The following ITIH2 variants were observed in gnomAD, a reference collection of about 807,000 sequenced individuals.
ITIH2 encodes the protein inter-alpha-trypsin inhibitor heavy chain 2, also known as inter-alpha-trypsin inhibitor heavy chain H2.
Under a neutral mutation model 104.4 loss-of-function variants are expected in ITIH2, and 103 were observed. The ratio of observed to expected loss-of-function variants is 0.99; its 90% CI spans 0.84 to 1.16. ITIH2 has a LOEUF of 1.16. Ranked by LOEUF, ITIH2 falls within the 50% of genes most tolerant of loss-of-function variation. The pLI is 0.00. For missense variants in ITIH2, 1,108 were observed against 1,162.4 expected (o/e 0.95, Z 0.68); for synonymous variants, 436 against 435.4 (o/e 1.00, Z -0.02).
rs1481893898 is a variant in ITIH2 at position 7,730,135 on chromosome 10, T to C, written c.1461+2T>C. The C allele has an allele frequency of 3.2e-6, 5 of 1,586,930 alleles. No individual in the cohort carries two copies. The highest frequency in any genetic ancestry group is 4.3e-6 in the Non-Finnish European group (5 of 1,168,014). On this transcript the variant is annotated splice_donor_variant, in intron 12 of 20. Coordinates refer to ENST00000358415, the MANE Select transcript of ITIH2 (RefSeq NM_002216.3). LOFTEE classifies it high-confidence loss of function. Reference sequence around the variant, plus strand: ...CAGGACACGTCTTCCCAGCTTAAGGTAACATTTTCTTCTGTTCTTTTTTTA... The same window carrying C: ...CAGGACACGTCTTCCCAGCTTAAGGCAACATTTTCTTCTGTTCTTTTTTTA...
Position 7,746,717 on chromosome 10 carries a change from C to A in ITIH2, c.2693+13C>A. On this transcript the variant is annotated intron_variant, in intron 20 of 20. Transcript: ENST00000358415. ...TGATCATCACCAGGTAGGCCTCGGG[C>A]GTAAGGACAGTGACGAAAAGGCCTT... 1 of 1,549,438 alleles carries A rather than the reference C, an allele frequency of 6.5e-7. No individual in the cohort carries two copies. The highest frequency in any genetic ancestry group is 8.9e-7 in the Non-Finnish European group (1 of 1,122,188).
In ITIH2 at chr10:7,735,102, C is replaced by A. The variant is rs1476113197; in HGVS notation, c.1957+11C>A. 1 of 1,596,892 alleles carries A rather than the reference C, an allele frequency of 6.3e-7. No homozygotes were observed. The highest frequency in any genetic ancestry group is 1.3e-5 in the African/African-American group (1 of 74,788). On this transcript the variant is annotated intron_variant, in intron 15 of 20. Coordinates refer to ENST00000358415, the MANE Select transcript of ITIH2 (RefSeq NM_002216.3). Reference sequence around the variant, plus strand: ...CCTCCTGCTGCTCAGGTCAGGGCTGCACCTGTGGGGACAAGTGGCCAGGCA... The same window carrying A: ...CCTCCTGCTGCTCAGGTCAGGGCTGAACCTGTGGGGACAAGTGGCCAGGCA...
chr10:7,735,561 C>A (rs1247483376), intron 15 of ITIH2, among the ~76,000 whole-genome samples: 1 of 152,004 alleles, frequency 6.6e-6, no homozygotes, highest in Admixed American at 6.6e-5. Flanking sequence ...TCCTGGACAA[C>A]AAATACAATT....
At chr10:7,735,269 G>A (rs571080434) in intron 15 of ITIH2, among the ~76,000 whole-genome samples, 178 bp downstream of exon 15, 35 of 152,318 alleles carry the variant, frequency 2.3e-4, no homozygotes, top group South Asian at 1.9e-3. Context: ...TGCTGTGGTC[G>A]TTGACCATTT....
intron 1 of ITIH2, among the ~76,000 whole-genome samples, chr10:7,704,585 T>G (rs1834727394): frequency 6.6e-6 from 1 of 152,170 alleles, no homozygotes; most frequent in African/African-American, 2.4e-5. Context: ...TCTTACCACC[T>G]GCTGGCAAAC....
rs918421603 is a variant in ITIH2 at position 7,730,220 on chromosome 10, C to T, written c.1461+87C>T. The T allele has an allele frequency of 5.0e-6, 5 of 1,008,204 alleles. No individual in the cohort carries two copies. The Middle Eastern group carries it at 7.6e-4, about 152-fold the overall frequency. The allele number at this position is 1,008,204 out of a possible 1,614,324, so 62.5% of individuals were successfully genotyped here. ...GATGCAGGTATGATGCATAACTGAA[C>T]TTAACTCAAAATGGTCATGATCTCA... On this transcript the variant is annotated intron_variant, in intron 12 of 20. Transcript: ENST00000358415.
chr10:7,707,164 T>G, intron 2 of ITIH2, 37 bp from the exon 3 acceptor site: 2 of 1,526,700 alleles, frequency 1.3e-6, no homozygotes, highest in Non-Finnish European at 1.8e-6. Flanking sequence ...ATAAGTGACA[T>G]ACAGTTGAAG....
At chr10:7,730,431 C>G (rs1834991916) in intron 12 of ITIH2, among the ~76,000 whole-genome samples, 1 of 152,188 alleles carries the variant, frequency 6.6e-6, no homozygotes, top group South Asian at 2.1e-4. Context: ...CCTGCCCCAC[C>G]AGCAATTGGT....
chr10:7,726,123 C>T lies in ITIH2; in HGVS notation c.985-827C>T, dbSNP rs188222629. Among the ~76,000 whole-genome samples, 389 of 152,106 alleles carry T rather than the reference C, an allele frequency of 2.6e-3. 3 individuals are homozygous for T. The highest frequency in any genetic ancestry group is 9.0e-3 in the African/African-American group (374 of 41,470). On this transcript the variant is annotated intron_variant, in intron 9 of 20. Coordinates refer to ENST00000358415, the MANE Select transcript of ITIH2 (RefSeq NM_002216.3). Reference sequence around the variant, plus strand: ...CAGTAGAGTGACAGGGATGAAAACCCGAAAGGATTGGGCTTATGAGAGAAT... The same window carrying T: ...CAGTAGAGTGACAGGGATGAAAACCTGAAAGGATTGGGCTTATGAGAGAAT...
In ITIH2 at chr10:7,730,239, G is replaced by A. The variant is rs1215229658; in HGVS notation, c.1461+106G>A. The stretch of plus-strand genomic sequence containing the variant: ...ACTGAACTTAACTCAAAATGGTCAT[G>A]ATCTCAGCCATATTTGGTTGCAAGG... On this transcript the variant is annotated intron_variant, in intron 12 of 20. Transcript: ENST00000358415. The A allele has an allele frequency of 1.3e-5, 11 of 829,488 alleles. No individual in the cohort carries two copies. The East Asian group carries it at 2.3e-4, about 17-fold the overall frequency. The allele number at this position is 829,488 out of a possible 1,614,324, so 51.4% of individuals were successfully genotyped here.
At position 7,744,234 on chromosome 10, in the gene ITIH2, A is replaced by C. The variant is rs1375615258; in HGVS notation, c.2362A>C (p.Thr788Pro). The change falls in exon 18 of 21, where the codon ACA becomes CCA. Residue 788 changes from threonine (T) to proline (P), a missense_variant. Thr to Pro is a conservative substitution (Grantham distance 38, BLOSUM62 -1). Transcript: ENST00000358415. ...CATCACCCTGAGCCATGGTTCTAGC[A>C]CATTCTCCTTGTCCTGGTCCGACAC... ...ETITLSHGSS[T>P]FSLSWSDTAQ... is the part of the protein sequence containing the mutation. The C allele has an allele frequency of 1.9e-6, 3 of 1,614,172 alleles. No individual in the cohort carries two copies. Among genetic ancestry groups the C allele is most frequent in the Admixed American group, 1.7e-5 (1 of 60,018 alleles).
intron 4 of ITIH2, among the ~76,000 whole-genome samples, chr10:7,710,142 G>T (rs1221490143): frequency 6.6e-6 from 1 of 152,222 alleles, no homozygotes; most frequent in East Asian, 1.9e-4. Context: ...GTGAGCCACC[G>T]TGCCTGGCCT....
At chr10:7,737,294 C>G (rs1588459787) in intron 15 of ITIH2, among the ~76,000 whole-genome samples, 1 of 150,834 alleles carries the variant, frequency 6.6e-6, no homozygotes, top group South Asian at 2.1e-4. Context: ...GTGCACACAC[C>G]CAGGGCTAGG....
intron 5 of ITIH2, 75 bp downstream of exon 5, chr10:7,713,360 C>A: frequency 8.5e-7 from 1 of 1,179,216 alleles, no homozygotes; most frequent in East Asian, 2.4e-5. Flanking sequence ...CCCACAGCAG[C>A]AAAGCAGCCT....
chr10:7,713,271 G>T lies in ITIH2; in HGVS notation c.453G>T (p.Thr151=). The T allele has an allele frequency of 6.2e-7, 1 of 1,613,900 alleles. No homozygotes were observed. The highest frequency in any genetic ancestry group is 8.5e-7 in the Non-Finnish European group (1 of 1,179,806). ...CACAGGCCAGAGCAAAAGGCAAGAC[G>T]GCTGGCTTGGTGAGGTAAGGCCTGA... The part of the protein sequence containing the change: ...LYAQARAKGK[T]AGLVRSSALD... The change falls in exon 5 of 21, where the codon ACG becomes ACT. Residue 151 remains threonine, a synonymous_variant. Coordinates refer to ENST00000358415, the MANE Select transcript of ITIH2 (RefSeq NM_002216.3).
intron 6 of ITIH2, among the ~76,000 whole-genome samples, 182 bp downstream of exon 6, chr10:7,717,970 C>T (rs555376106): frequency 3.9e-5 from 6 of 152,250 alleles, no homozygotes; most frequent in South Asian, 2.1e-4. Context: ...TTATGGCTCT[C>T]GGTCTCCTTA....
At chr10:7,720,253 G>A (rs1834889066) in intron 6 of ITIH2, among the ~76,000 whole-genome samples, 1 of 152,144 alleles carries the variant, frequency 6.6e-6, no homozygotes, top group South Asian at 2.1e-4. Flanking sequence ...ATATATTCAT[G>A]TAACCAAACT....
rs549826747 is a variant in ITIH2, at chr10:7,719,677, C to G, written c.631-1179C>G. Among the ~76,000 whole-genome samples the G allele has an allele frequency of 2.9e-5, 4 of 136,110 alleles. No homozygotes were observed. The East Asian group carries it at 9.5e-4, about 32-fold the overall frequency. 89.3% of individuals were successfully genotyped at this position (136,110 alleles called of 152,430 possible). The stretch of plus-strand genomic sequence containing the variant: ...TTGGGAGGCTGAGGCAGGAGGATAA[C>G]TTGAGCCTAAAAAATCGAGGCTGCA... On this transcript the variant is annotated intron_variant, in intron 6 of 20. Transcript: ENST00000358415.
chr10:7,743,105 T>A, intron 16 of ITIH2, 41 bp from the exon 17 acceptor site: 1 of 934,592 alleles, frequency 1.1e-6, no homozygotes, highest in Non-Finnish European at 1.7e-6. Flanking sequence ...ATCATCTTCC[T>A]TTTAATGATT....
Sources: gnomAD v4.1 joint callset for allele counts (sites outside exome capture counted in the v4.1 genomes callset) on GRCh38, gnomAD v4.1.1 for gene constraint, MANE v1.5 for transcripts, NCBI Gene and HGNC (gene_info 2026-07-23, HGNC 2026-07-21) for gene names.